Variants in ZSCAN5C observed in about 807,000 individuals in gnomAD.
ZSCAN5C encodes zinc finger and SCAN domain containing 5C.
Under a neutral mutation model 17.3 loss-of-function variants are expected in ZSCAN5C, and 11 were observed. That is an observed-to-expected ratio of 0.64 (90% CI 0.40 to 1.06). The LOEUF is 1.06. Among genes scored for constraint, ZSCAN5C ranks in the 50% least tolerant of loss-of-function variants. ZSCAN5C has a pLI of 0.00. For missense variants in ZSCAN5C, 698 were observed against 538.9 expected (o/e 1.30, Z -2.92); for synonymous variants, 229 against 208.4 (o/e 1.10, Z -0.85).
exon 5 of ZSCAN5C, chr19:56,209,133 G>C: frequency 6.6e-7 from 1 of 1,523,890 alleles, no homozygotes; most frequent in Non-Finnish European, 9.0e-7. Flanking sequence ...AAGTGTCCAA[G>C]AGCCTTCGGT....
intron 3 of ZSCAN5C, among the ~76,000 whole-genome samples, chr19:56,207,519 T>C (rs1039335640): frequency 2.0e-5 from 3 of 151,548 alleles, no homozygotes; most frequent in Non-Finnish European, 2.9e-5. Context: ...ACGGAGGCAG[T>C]TGGCACAGAT....
At chr19:56,205,920 G>T (rs531222282) in exon 2 of ZSCAN5C, 1 of 1,185,696 alleles carries the variant, frequency 8.4e-7, no homozygotes, top group Non-Finnish European at 1.3e-6. Context: ...AGACATGGCT[G>T]CAAATTGCAC....
At chr19:56,208,762 G>A in exon 5 of ZSCAN5C, 2 of 1,604,090 alleles carry the variant, frequency 1.2e-6, no homozygotes, top group Non-Finnish European at 1.7e-6. Flanking sequence ...AAGAAGTCAA[G>A]GAACTGCTGC....
At chr19:56,203,380 T>A (rs2032890213) in intron 1 of ZSCAN5C, among the ~76,000 whole-genome samples, 1 of 151,904 alleles carries the variant, frequency 6.6e-6, no homozygotes, top group Non-Finnish European at 1.5e-5. Flanking sequence ...CAATGTAAAA[T>A]GGGTAAATTG....
rs758175076 is a variant in ZSCAN5C at position 56,208,792 on chromosome 19, C to T, written c.1083C>T (p.Cys361=). Residue 361 remains cysteine (C), a synonymous_variant, in exon 5 of 5, where the codon TGC becomes TGT. Transcript: ENST00000534327. ...TGCTGCCCTTTGCATGTGAGGTGTG[C>T]GGCAAGAGGTTTAAGTATCGCGGCA... 8.9e-6 allele frequency: 14 copies of T among 1,578,676 alleles called. No individual in the cohort carries two copies. In the Admixed American group the frequency reaches 1.3e-4, roughly 15 times the overall value.
At chr19:56,205,964 C>A (rs111438429) in exon 2 of ZSCAN5C, 127,302 of 1,470,590 alleles carry the variant, frequency 0.087, 6,377 homozygotes, top group South Asian at 0.17. Flanking sequence ...CCTGCAACAG[C>A]CCTGGGTCAG....
At chr19:56,208,884 G>T in exon 5 of ZSCAN5C, 1 of 1,596,784 alleles carries the variant, frequency 6.3e-7, no homozygotes, top group Non-Finnish European at 8.6e-7. Context: ...TGCGGGAAGC[G>T]CTTCATGCAG....
At chr19:56,203,105 A>C (rs1006193799) in intron 1 of ZSCAN5C, among the ~76,000 whole-genome samples, 5 of 151,914 alleles carry the variant, frequency 3.3e-5, no homozygotes, top group African/African-American at 1.2e-4. Context: ...TTCTAGGAAC[A>C]TGAACCCCTT....
exon 3 of ZSCAN5C, chr19:56,207,214 C>G: frequency 5.1e-6 from 4 of 778,762 alleles, no homozygotes; most frequent in Admixed American, 1.7e-5. Context: ...GCCAGGCCAG[C>G]CAAGAGCTGC....
chr19:56,206,657 G>GCC (rs2032924971), intron 2 of ZSCAN5C, among the ~76,000 whole-genome samples: 1 of 151,778 alleles, frequency 6.6e-6, no homozygotes, highest in Non-Finnish European at 1.5e-5. Flanking sequence ...AAAGACATTG[G>GCC]TGAAATATTA....
intron 1 of ZSCAN5C, 76 bp from the exon 2 acceptor site, chr19:56,205,711 T>C (rs925134617): frequency 3.7e-6 from 2 of 540,734 alleles, no homozygotes. Flanking sequence ...GGGTCTGGGA[T>C]TGGGATGAGG....
At chr19:56,205,177 T>C (rs927539267) in intron 1 of ZSCAN5C, among the ~76,000 whole-genome samples, 3 of 151,804 alleles carry the variant, frequency 2.0e-5, no homozygotes, top group Admixed American at 2.0e-4. Flanking sequence ...TTGCACAACA[T>C]GGTGCATGTC....
exon 5 of ZSCAN5C, chr19:56,208,874 T>C: frequency 1.3e-6 from 2 of 1,592,828 alleles, no homozygotes; most frequent in South Asian, 1.1e-5. Flanking sequence ...GTGTAATCTC[T>C]GCGGGAAGCG....
exon 5 of ZSCAN5C, chr19:56,209,165 C>A: frequency 1.9e-6 from 2 of 1,059,352 alleles, no homozygotes; most frequent in Non-Finnish European, 2.9e-6. Flanking sequence ...CTTAAGACGC[C>A]ACCAGAAAAC....
At chr19:56,207,395 C>T (rs1274805376) in intron 3 of ZSCAN5C, 133 bp downstream of exon 3, 4 of 574,418 alleles carry the variant, frequency 7.0e-6, no homozygotes, top group Non-Finnish European at 9.4e-6. Context: ...ATGGTACATC[C>T]CCAAACATTC....
downstream of ZSCAN5C, chr19:56,209,254 A>T (rs2032963492): frequency 3.2e-6 from 2 of 631,728 alleles, no homozygotes; most frequent in South Asian, 3.9e-5. Flanking sequence ...AAGATTTTTC[A>T]CCGATGTTGT....
At chr19:56,208,360 T>G (rs1463794378) in intron 4 of ZSCAN5C, 89 bp from the exon 5 acceptor site, 1 of 882,778 alleles carries the variant, frequency 1.1e-6, no homozygotes, top group Non-Finnish European at 1.8e-6. Flanking sequence ...GAGGGGAAGT[T>G]GTCAGCCAAC....
In ZSCAN5C at chr19:56,205,838, T is replaced by C. The variant is rs144778493; in HGVS notation, c.-76T>C. On this transcript the variant is annotated 5_prime_UTR_variant, in exon 2 of 5. Transcript: ENST00000534327. ...ACTGAGAAAAACCAGGGGTGGCCTG[T>C]GTATATAGGTCGCAATTAGACACCG... 2.0e-4 allele frequency: 130 copies of C among 665,536 alleles called. No homozygotes were observed. The African/African-American group carries it at 2.1e-3, about 11-fold the overall frequency. The allele number at this position is 665,536 out of a possible 1,614,324, so 41.2% of individuals were successfully genotyped here. A position where few individuals can be genotyped will look rare whatever the true frequency, so the allele number is the denominator to read the frequency against.
intron 3 of ZSCAN5C, among the ~76,000 whole-genome samples, chr19:56,207,714 G>A (rs923327043): frequency 2.6e-5 from 4 of 151,818 alleles, no homozygotes; most frequent in African/African-American, 4.9e-5. Flanking sequence ...CATTGTAGGG[G>A]GTGGTGGGGT....
Sources: gnomAD v4.1 joint callset for allele counts (sites outside exome capture counted in the v4.1 genomes callset) on GRCh38, gnomAD v4.1.1 for gene constraint, MANE v1.5 for transcripts, NCBI Gene and HGNC (gene_info 2026-07-23, HGNC 2026-07-21) for gene names.